The following ERBB4 variants were observed in gnomAD, a reference collection of about 807,000 sequenced individuals.
ERBB4 encodes receptor tyrosine-protein kinase erbB-4.
A neutral mutation model predicts 158.0 loss-of-function variants in ERBB4; 42 were observed. The ratio of observed to expected loss-of-function variants is 0.27; its 90% CI spans 0.21 to 0.34. The LOEUF is 0.34. Among genes scored for constraint, ERBB4 ranks in the 10% least tolerant of loss-of-function variants. The probability of loss-of-function intolerance (pLI) is 1.00; values close to 1 mark genes in which losing one functional copy is unlikely to be tolerated. For synonymous variants in ERBB4, 583 were observed against 558.7 expected (o/e 1.04, Z -0.61); for missense variants, 1,333 against 1,624.1 (o/e 0.82, Z 3.08).
intron 1 of ERBB4, among the ~76,000 whole-genome samples, chr2:212,148,167 GA>G: frequency 6.6e-6 from 1 of 151,196 alleles, no homozygotes; most frequent in East Asian, 1.9e-4. Flanking sequence ...TATTCAGAGT[GA>G]AAAAGTACAA....
chr2:211,379,957 T>C lies in ERBB4; in HGVS notation c.*3658A>G, dbSNP rs2062547056. 2 of 232,176 alleles carry C rather than the reference T, an allele frequency of 8.6e-6. No homozygotes were observed. The highest frequency in any genetic ancestry group is 1.7e-5 in the Non-Finnish European group (2 of 117,384). The allele number at this position is 232,176 out of a possible 1,614,324, so 14.4% of individuals were successfully genotyped here. On this transcript the variant is annotated 3_prime_UTR_variant, in exon 28 of 28. Coordinates refer to ENST00000342788, the MANE Select transcript of ERBB4 (RefSeq NM_005235.3). ...CTCACACAGTCCTTTTCTTGATTTT[T>C]CCTTAGCATTGTAAGTATGCACAAT...
chr2:211,699,535 T>A (rs138332084), intron 12 of ERBB4, among the ~76,000 whole-genome samples: 27 of 152,138 alleles, frequency 1.8e-4, no homozygotes, highest in African/African-American at 6.3e-4. Flanking sequence ...GCTGTGAGAC[T>A]GAAGTCCAAA....
At chr2:211,911,828 T>G (rs1450469422) in intron 3 of ERBB4, among the ~76,000 whole-genome samples, 4 of 151,522 alleles carry the variant, frequency 2.6e-5, no homozygotes, top group Non-Finnish European at 5.9e-5. Flanking sequence ...TTTCTTTTTT[T>G]TTTTTTTGAG....
At chr2:211,453,990 A>G (rs553501465) in intron 20 of ERBB4, among the ~76,000 whole-genome samples, 10 of 152,336 alleles carry the variant, frequency 6.6e-5, no homozygotes, top group African/African-American at 2.4e-4. Flanking sequence ...AATCAACTAC[A>G]TAAATCTAAT....
chr2:212,355,578 T>C (rs1368051391), intron 1 of ERBB4, among the ~76,000 whole-genome samples: 4 of 152,058 alleles, frequency 2.6e-5, no homozygotes, highest in Non-Finnish European at 5.9e-5. Context: ...GTTATTGTAA[T>C]AGTTATGAGC....
chr2:211,890,284 A>G (rs1458103970), intron 3 of ERBB4, among the ~76,000 whole-genome samples: 1 of 119,906 alleles, frequency 8.3e-6, no homozygotes, highest in East Asian at 2.4e-4. Context: ...TTCAACCCAG[A>G]ATTTCATATC....
intron 20 of ERBB4, among the ~76,000 whole-genome samples, chr2:211,560,714 A>G (rs1262775643): frequency 6.6e-6 from 1 of 152,202 alleles, no homozygotes; most frequent in African/African-American, 2.4e-5. Flanking sequence ...ATTGCCATAA[A>G]GAATCCTCAC....
At chr2:211,558,322 G>A (rs1180355954) in intron 20 of ERBB4, among the ~76,000 whole-genome samples, 1 of 152,100 alleles carries the variant, frequency 6.6e-6, no homozygotes, top group African/African-American at 2.4e-5. Context: ...TCTTCAAGGT[G>A]CACTGCTCAG....
chr2:211,591,973 CCA>C (rs1472389433), intron 19 of ERBB4, among the ~76,000 whole-genome samples: 1 of 152,186 alleles, frequency 6.6e-6, no homozygotes, highest in East Asian at 1.9e-4. Context: ...AATTAAGAGT[CCA>C]AGAGACAGCT....
At chr2:212,268,722 C>T (rs1028632608) in intron 1 of ERBB4, among the ~76,000 whole-genome samples, 4 of 151,728 alleles carry the variant, frequency 2.6e-5, no homozygotes, top group African/African-American at 7.3e-5. Flanking sequence ...GGCTGTTTTC[C>T]AATAACACTT....
intron 25 of ERBB4, among the ~76,000 whole-genome samples, chr2:211,393,621 T>G (rs1398365707): frequency 6.6e-6 from 1 of 152,176 alleles, no homozygotes; most frequent in African/African-American, 2.4e-5. Context: ...ACTCATTATC[T>G]TAAGTATAAA....
At chr2:212,262,783 CT>C (rs1188680123) in intron 1 of ERBB4, among the ~76,000 whole-genome samples, 1 of 151,990 alleles carries the variant, frequency 6.6e-6, no homozygotes, top group Non-Finnish European at 1.5e-5. Context: ...TCTCTGTAAG[CT>C]TATGGAACAC....
At chr2:212,090,317 C>T (rs532973641) in intron 2 of ERBB4, among the ~76,000 whole-genome samples, 2 of 152,216 alleles carry the variant, frequency 1.3e-5, no homozygotes, top group Admixed American at 6.5e-5. Flanking sequence ...TTATTCAATG[C>T]CCATTGTACT....
intron 1 of ERBB4, among the ~76,000 whole-genome samples, chr2:212,500,546 T>C (rs761474155): frequency 2.0e-4 from 31 of 152,126 alleles, no homozygotes; most frequent in Non-Finnish European, 1.2e-4. Context: ...ACCCATTTCT[T>C]TCTAGGGAAC....
In ERBB4 at chr2:212,011,741, C is replaced by A. The variant is rs1362101066; in HGVS notation, c.235-64125G>T. ...CTCCAGCCTGGGCAAGACAGCGACA[C>A]TCTGTCTCAAAGAAAAAAAAAAAAA... On this transcript the variant is annotated intron_variant, in intron 2 of 27. Coordinates refer to ENST00000342788, the MANE Select transcript of ERBB4 (RefSeq NM_005235.3). 2.0e-5 allele frequency among the ~76,000 whole-genome samples: 3 copies of A among 150,658 alleles called. No homozygotes were observed. The East Asian group carries it at 5.9e-4, about 29-fold the overall frequency.
intron 2 of ERBB4, among the ~76,000 whole-genome samples, chr2:212,000,402 A>G (rs766621839): frequency 6.6e-6 from 1 of 151,930 alleles, no homozygotes; most frequent in African/African-American, 2.4e-5. Context: ...ATGCTACTTC[A>G]GCAGATTTCT....
At chr2:212,397,347 C>T (rs905246046) in intron 1 of ERBB4, among the ~76,000 whole-genome samples, 16 of 151,940 alleles carry the variant, frequency 1.1e-4, no homozygotes, top group Non-Finnish European at 2.1e-4. Context: ...GTGGCACGCT[C>T]CTGCAGTCCC....
chr2:211,785,254 A>C (rs1251343574), intron 4 of ERBB4, among the ~76,000 whole-genome samples: 1 of 152,008 alleles, frequency 6.6e-6, no homozygotes, highest in Non-Finnish European at 1.5e-5. Context: ...GGTGCCTGCC[A>C]CCACGCCCGG....
At chr2:212,152,452 C>T (rs896214977) in intron 1 of ERBB4, among the ~76,000 whole-genome samples, 1 of 152,052 alleles carries the variant, frequency 6.6e-6, no homozygotes, top group Non-Finnish European at 1.5e-5. Context: ...GTTGACTCTC[C>T]TCATCTTCCT....
Sources: gnomAD v4.1 joint callset for allele counts (sites outside exome capture counted in the v4.1 genomes callset) on GRCh38, gnomAD v4.1.1 for gene constraint, MANE v1.5 for transcripts, NCBI Gene and HGNC (gene_info 2026-07-23, HGNC 2026-07-21) for gene names.